The following RASEF variants were observed in gnomAD, a reference collection of about 807,000 sequenced individuals.
The protein encoded by RASEF is RAS and EF-hand domain containing, also known as ras and EF-hand domain-containing protein.
In RASEF, 68 loss-of-function variants were observed where a neutral mutation model predicts 90.1. The ratio of observed to expected loss-of-function variants is 0.75; its 90% CI spans 0.62 to 0.92. RASEF has a LOEUF of 0.92. Ranked by LOEUF, RASEF falls within the 40% of genes least tolerant of loss-of-function variation. RASEF has a pLI of 0.00. For synonymous variants in RASEF, 331 were observed against 345.2 expected, an observed-to-expected ratio of 0.96 and a Z score of 0.46; for missense variants, 949 against 937.2, an observed-to-expected ratio of 1.01 and a Z score of -0.16.
chr9:83,068,584 A>ATC, the RASEF span, among the ~76,000 whole-genome samples: 2 of 152,232 alleles, frequency 1.3e-5, no homozygotes, highest in Admixed American at 1.3e-4. Context: ...TTGGCAGAGG[A>ATC]CTCTGAGCTT....
At chr9:83,204,235 G>A in the RASEF span, among the ~76,000 whole-genome samples, 1 of 152,112 alleles carries the variant, frequency 6.6e-6, no homozygotes, top group Non-Finnish European at 1.5e-5. Context: ...GCACCACAGG[G>A]TTGGCCACTA....
intron 1 of RASEF, among the ~76,000 whole-genome samples, chr9:83,046,051 C>T (rs1829923957): frequency 6.6e-6 from 1 of 151,394 alleles, no homozygotes; most frequent in Admixed American, 6.6e-5. Context: ...CCTGCAAAAT[C>T]CTATATTTTC....
chr9:83,195,632 G>A, the RASEF span, among the ~76,000 whole-genome samples: 1 of 152,018 alleles, frequency 6.6e-6, no homozygotes, highest in Non-Finnish European at 1.5e-5. Flanking sequence ...TACCAGCAGG[G>A]AATACAGATA....
chr9:83,004,353 C>T, intron 9 of RASEF, 145 bp downstream of exon 9: 2 of 553,338 alleles, frequency 3.6e-6, no homozygotes, highest in Non-Finnish European at 6.4e-6. Flanking sequence ...TTACATGATT[C>T]ATGTTTCAGA....
the RASEF span, among the ~76,000 whole-genome samples, chr9:83,087,478 G>C: frequency 6.8e-6 from 1 of 147,272 alleles, no homozygotes; most frequent in African/African-American, 2.5e-5. Flanking sequence ...ACAGCTTGAA[G>C]GTGGCTTCCA....
chr9:83,048,883 C>G, intron 1 of RASEF: 3 of 500,788 alleles, frequency 6.0e-6, no homozygotes, highest in Non-Finnish European at 7.7e-6. Context: ...CATCCCAACA[C>G]TTTGGGAGGC....
chr9:83,021,758 G>T (rs1247059950), intron 3 of RASEF, among the ~76,000 whole-genome samples: 1 of 152,144 alleles, frequency 6.6e-6, no homozygotes, highest in Non-Finnish European at 1.5e-5. Context: ...ATATACATAG[G>T]TTGTATGTAA....
At chr9:83,130,408 A>C in the RASEF span, among the ~76,000 whole-genome samples, 3 of 152,180 alleles carry the variant, frequency 2.0e-5, no homozygotes, top group Admixed American at 1.3e-4. Flanking sequence ...ATGAACCTAC[A>C]TGGACACATC....
At chr9:83,037,847 T>C (rs1303785896) in intron 1 of RASEF, among the ~76,000 whole-genome samples, 1 of 150,404 alleles carries the variant, frequency 6.6e-6, no homozygotes, top group Non-Finnish European at 1.5e-5. Context: ...TTAGGAACCA[T>C]ATAAAAGCTA....
At chr9:83,060,968 G>C (rs1030069427) in intron 1 of RASEF, among the ~76,000 whole-genome samples, 2 of 152,172 alleles carry the variant, frequency 1.3e-5, no homozygotes, top group African/African-American at 4.8e-5. Context: ...GGTTGTGTGT[G>C]AAATATTTGT....
chr9:83,037,402 C>A (rs186435651), intron 1 of RASEF, among the ~76,000 whole-genome samples: 2 of 151,824 alleles, frequency 1.3e-5, no homozygotes, highest in East Asian at 3.9e-4. Flanking sequence ...GAAGTTCATT[C>A]TGTCAAAGAT....
At chr9:83,170,940 C>A in the RASEF span, among the ~76,000 whole-genome samples, 4 of 151,882 alleles carry the variant, frequency 2.6e-5, no homozygotes, top group Non-Finnish European at 1.5e-5. Flanking sequence ...ATTGCTCTGG[C>A]TATGACTTCT....
the RASEF span, among the ~76,000 whole-genome samples, chr9:83,123,538 T>A: frequency 3.4e-5 from 5 of 148,992 alleles, no homozygotes; most frequent in East Asian, 9.8e-4. Flanking sequence ...CAGCAAAAGA[T>A]ACAGAATTGA....
the RASEF span, among the ~76,000 whole-genome samples, chr9:83,185,885 T>C: frequency 6.6e-6 from 1 of 151,986 alleles, no homozygotes; most frequent in Non-Finnish European, 1.5e-5. Context: ...ACCCCGAGAT[T>C]CCACCCAGTT....
chr9:83,098,367 CAT>C, the RASEF span, among the ~76,000 whole-genome samples: 2 of 152,078 alleles, frequency 1.3e-5, no homozygotes, highest in African/African-American at 4.8e-5. Flanking sequence ...AGATTATAAA[CAT>C]AGGAAAAATC....
At chr9:83,164,507 G>A in the RASEF span, among the ~76,000 whole-genome samples, 25,591 of 149,416 alleles carry the variant, frequency 0.17, 2,351 homozygotes, top group Non-Finnish European at 0.21. Context: ...TGGATTAGTT[G>A]TAAATGTATA....
intron 1 of RASEF, among the ~76,000 whole-genome samples, chr9:83,042,967 A>G (rs1829867449): frequency 6.6e-6 from 1 of 152,202 alleles, no homozygotes; most frequent in Non-Finnish European, 1.5e-5. Flanking sequence ...GCTAAGCTGA[A>G]CCACCATCTC....
At chr9:83,038,562 A>G (rs1184921350) in intron 1 of RASEF, among the ~76,000 whole-genome samples, 3 of 152,198 alleles carry the variant, frequency 2.0e-5, no homozygotes, top group Non-Finnish European at 2.9e-5. Context: ...TAGATATAGA[A>G]TTAACATTAA....
At chr9:83,076,753 C>A in the RASEF span, among the ~76,000 whole-genome samples, 1 of 152,110 alleles carries the variant, frequency 6.6e-6, no homozygotes, top group Non-Finnish European at 1.5e-5. Context: ...TTACAAAAAC[C>A]TCAGCTTTTA....
Sources: gnomAD v4.1 joint callset for allele counts (sites outside exome capture counted in the v4.1 genomes callset) on GRCh38, gnomAD v4.1.1 for gene constraint, MANE v1.5 for transcripts, NCBI Gene and HGNC (gene_info 2026-07-23, HGNC 2026-07-21) for gene names.